Variants in C17orf67 observed in about 807,000 individuals in gnomAD.
C17orf67 encodes chromosome 17 open reading frame 67, also known as uncharacterized protein C17orf67.
C17orf67 carries 12 observed loss-of-function variants against 11.2 expected under a neutral mutation model. The ratio of observed to expected loss-of-function variants is 1.07; its 90% confidence interval spans 0.68 to 1.73. The LOEUF (loss-of-function observed/expected upper bound fraction) is 1.73. Ranked by LOEUF, C17orf67 falls within the 40% of genes most tolerant of loss-of-function variation. C17orf67 has a pLI of 0.00. For missense variants in C17orf67, 115 were observed against 113.5 expected (o/e 1.01, Z -0.06); for synonymous variants, 59 against 46.9 (o/e 1.26, Z -1.05).
intron 2 of C17orf67, among the ~76,000 whole-genome samples, chr17:56,828,075 C>T (rs966124913): frequency 1.4e-5 from 2 of 147,616 alleles, no homozygotes. Context: ...TGTACCCGCA[C>T]TCCAGCCTGG....
chr17:56,806,390 A>G (rs1905453186), intron 6 of C17orf67, among the ~76,000 whole-genome samples: 1 of 152,228 alleles, frequency 6.6e-6, no homozygotes, highest in Non-Finnish European at 1.5e-5. Flanking sequence ...TATACAATTC[A>G]AACATCAAAT....
At chr17:56,794,805 C>G (rs998065463) in intron 7 of C17orf67, among the ~76,000 whole-genome samples, 1 of 152,204 alleles carries the variant, frequency 6.6e-6, no homozygotes, top group Non-Finnish European at 1.5e-5. Context: ...CGTCCCTCCC[C>G]ATTCGGGATC....
chr17:56,825,859 G>A (rs1906012305), intron 2 of C17orf67, among the ~76,000 whole-genome samples: 1 of 152,044 alleles, frequency 6.6e-6, no homozygotes, highest in African/African-American at 2.4e-5. Context: ...CAAACACAGG[G>A]TGTCTTTGGA....
At chr17:56,803,420 C>A (rs1905372513) in intron 6 of C17orf67, among the ~76,000 whole-genome samples, 1 of 152,232 alleles carries the variant, frequency 6.6e-6, no homozygotes, top group African/African-American at 2.4e-5. Context: ...ACGAATGTCA[C>A]TACTGATACA....
chr17:56,830,065 C>T (rs939771212), intron 2 of C17orf67, among the ~76,000 whole-genome samples: 2 of 152,016 alleles, frequency 1.3e-5, no homozygotes, highest in African/African-American at 2.4e-5. Flanking sequence ...AAAATTTGGC[C>T]GGGCGTGGTG....
chr17:56,818,679 T>A (rs1414639626), intron 4 of C17orf67, among the ~76,000 whole-genome samples: 1 of 152,220 alleles, frequency 6.6e-6, no homozygotes, highest in Admixed American at 6.5e-5. Flanking sequence ...TAATATTATA[T>A]TTTAACATGA....
intron 6 of C17orf67, among the ~76,000 whole-genome samples, chr17:56,804,769 G>A (rs915399250): frequency 1.3e-5 from 2 of 152,180 alleles, no homozygotes; most frequent in Non-Finnish European, 2.9e-5. Flanking sequence ...TAAGCTTGAA[G>A]ACATTCAAGC....
At chr17:56,802,461 G>A (rs992197617) in intron 6 of C17orf67, among the ~76,000 whole-genome samples, 1 of 152,238 alleles carries the variant, frequency 6.6e-6, no homozygotes, top group African/African-American at 2.4e-5. Context: ...GTCCTCTCCA[G>A]CTCCGGGAAC....
At chr17:56,801,727 G>A (rs1905326659) in intron 6 of C17orf67, among the ~76,000 whole-genome samples, 3 of 152,210 alleles carry the variant, frequency 2.0e-5, no homozygotes. Context: ...CGGATTTGGG[G>A]CTGAGTTCCT....
intron 4 of C17orf67, among the ~76,000 whole-genome samples, chr17:56,822,521 G>A (rs1185785979): frequency 1.3e-5 from 2 of 151,990 alleles, no homozygotes; most frequent in East Asian, 3.8e-4. Context: ...CACCTCATAA[G>A]GTTAATATTT....
At chr17:56,809,846 TACA>T (rs1905560258) in intron 6 of C17orf67, among the ~76,000 whole-genome samples, 1 of 95,552 alleles carries the variant, frequency 1.0e-5, no homozygotes, top group East Asian at 3.9e-4. Context: ...CCCTTACACA[TACA>T]CCCTCACACA....
chr17:56,817,390 A>G (rs926363996), intron 4 of C17orf67, among the ~76,000 whole-genome samples: 3 of 152,112 alleles, frequency 2.0e-5, no homozygotes, highest in Non-Finnish European at 4.4e-5. Context: ...TGTAAACAAG[A>G]AAAAAAAGAT....
In C17orf67 at chr17:56,825,149, G is replaced by A. The variant is rs1905995527; in HGVS notation, c.-384C>T. On this transcript the variant is annotated 5_prime_UTR_variant, in exon 3 of 8. Transcript: ENST00000397861. ...ATTCTGACTTCAGAGACCTGGTCAG[G>A]ACCACAGAATCTATATTTTAAAATG... 6.6e-6 allele frequency: 1 copy of A among 152,144 alleles called. No individual in the cohort carries two copies. Among genetic ancestry groups the A allele is most frequent in the South Asian group, 2.1e-4 (1 of 4,826 alleles). 9.4% of individuals were successfully genotyped at this position (152,144 alleles called of 1,614,324 possible). A position where few individuals can be genotyped will look rare whatever the true frequency, so the allele number is the denominator to read the frequency against.
intron 4 of C17orf67, among the ~76,000 whole-genome samples, chr17:56,816,917 G>A (rs1905774479): frequency 6.6e-6 from 1 of 152,196 alleles, no homozygotes; most frequent in Non-Finnish European, 1.5e-5. Context: ...CTGGTGTGCA[G>A]AGGCTCACTG....
At position 56,816,018 on chromosome 17, in the gene C17orf67, A is replaced by C; in HGVS notation, c.-200-8T>G. 1 of 1,008,508 alleles carries C rather than the reference A, an allele frequency of 9.9e-7. No individual in the cohort carries two copies. The highest frequency in any genetic ancestry group is 1.4e-6 in the Non-Finnish European group (1 of 724,432). The allele number at this position is 1,008,508 out of a possible 1,614,324, so 62.5% of individuals were successfully genotyped here. On this transcript the variant is annotated splice_polypyrimidine_tract_variant and splice_region_variant and intron_variant, in intron 4 of 7. Transcript: ENST00000397861. ...TTCCTGTAAATTTTCATCCTGAGGA[A>C]GGAAATTGTTCCTCTGTAATATGAC...
In C17orf67 at chr17:56,828,970, G is replaced by A. The variant is rs533396599; in HGVS notation, c.-556-3649C>T. ...TGCTTATAAGGTGAACAGCACCAAC[G>A]CAATGCTGATGCAGAAATTCACATC... On this transcript the variant is annotated intron_variant, in intron 2 of 7. Transcript: ENST00000397861. Among the ~76,000 whole-genome samples, 14 of 152,094 alleles carry A rather than the reference G, an allele frequency of 9.2e-5. No homozygotes were observed. In the South Asian group the frequency reaches 2.3e-3, roughly 25 times the overall value.
intron 6 of C17orf67, among the ~76,000 whole-genome samples, chr17:56,810,390 T>TCACATG (rs1223826456): frequency 3.0e-5 from 3 of 100,364 alleles, no homozygotes; most frequent in Non-Finnish European, 6.3e-5. Flanking sequence ...CACAAACCCC[T>TCACATG]CACATGCACA....
At chr17:56,816,901 T>C (rs1905774061) in intron 4 of C17orf67, among the ~76,000 whole-genome samples, 1 of 152,142 alleles carries the variant, frequency 6.6e-6, no homozygotes, top group South Asian at 2.1e-4. Flanking sequence ...TGGGTCTCAC[T>C]TCAGGCTGGT....
intron 6 of C17orf67, among the ~76,000 whole-genome samples, chr17:56,804,729 C>T (rs962058602): frequency 1.3e-5 from 2 of 152,214 alleles, no homozygotes; most frequent in Admixed American, 6.5e-5. Flanking sequence ...TTCACAAGCA[C>T]TTACAAATAT....
Sources: allele counts gnomAD v4.1 joint callset (sites outside exome capture counted in the v4.1 genomes callset), GRCh38; gene constraint gnomAD v4.1.1; transcripts MANE v1.5; gene names NCBI Gene and HGNC (gene_info 2026-07-23, HGNC 2026-07-21).